The following PARD3B variants were observed in gnomAD, a reference collection of about 807,000 sequenced individuals.
PARD3B encodes the protein par-3 family cell polarity regulator beta, also known as partitioning defective 3 homolog B.
A neutral mutation model predicts 130.2 loss-of-function variants in PARD3B; 103 were observed. That is an observed-to-expected ratio of 0.79 (90% CI 0.67 to 0.93). The LOEUF is 0.93. PARD3B is among the 40% of genes least tolerant of loss of function. The pLI is 0.00. For missense variants in PARD3B, 1,609 were observed against 1,499.2 expected (o/e 1.07, Z -1.21); for synonymous variants, 583 against 553.2 (o/e 1.05, Z -0.76).
At chr2:205,087,103 A>C (rs1412815937) in intron 4 of PARD3B, among the ~76,000 whole-genome samples, 1 of 152,090 alleles carries the variant, frequency 6.6e-6, no homozygotes, top group Non-Finnish European at 1.5e-5. Flanking sequence ...ATATTTTTTA[A>C]TCTCTTCTTT....
intron 1 of PARD3B, among the ~76,000 whole-genome samples, chr2:204,599,329 C>A (rs1406896584): frequency 1.3e-5 from 2 of 151,838 alleles, no homozygotes; most frequent in Non-Finnish European, 2.9e-5. Context: ...CAAATTTCTC[C>A]CTACCTCTTT....
intron 10 of PARD3B, among the ~76,000 whole-genome samples, chr2:205,133,727 G>A (rs755583921): frequency 6.6e-6 from 1 of 152,262 alleles, no homozygotes; most frequent in Non-Finnish European, 1.5e-5. Context: ...TTGGCAAAGG[G>A]CCAGTGCTGA....
chr2:205,518,313 C>G lies in PARD3B; in HGVS notation c.3180+18282C>G, dbSNP rs375439522. ...ATAGTTAGGCCTTGTTGAATTGAAC[C>G]CTTTACCATTATGTAATGCCCGTCT... On this transcript the variant is annotated intron_variant, in intron 21 of 22. Coordinates refer to ENST00000406610, the MANE Select transcript of PARD3B (RefSeq NM_001302769.2). 3.3e-5 allele frequency among the ~76,000 whole-genome samples: 5 copies of G among 152,152 alleles called. No individual in the cohort carries two copies. In the East Asian group the frequency reaches 7.7e-4, roughly 24 times the overall value.
At chr2:205,610,369 G>T (rs1194628684) in intron 22 of PARD3B, among the ~76,000 whole-genome samples, 1 of 152,154 alleles carries the variant, frequency 6.6e-6, no homozygotes, top group Non-Finnish European at 1.5e-5. Context: ...ACTGTACTTT[G>T]AAATACATAA....
chr2:205,598,653 C>T (rs1408598998), intron 22 of PARD3B, among the ~76,000 whole-genome samples: 1 of 152,110 alleles, frequency 6.6e-6, no homozygotes, highest in South Asian at 2.1e-4. Flanking sequence ...ACCCAACAAC[C>T]ACAGAATATG....
At chr2:204,746,959 T>C (rs2040257933) in intron 2 of PARD3B, among the ~76,000 whole-genome samples, 1 of 152,218 alleles carries the variant, frequency 6.6e-6, no homozygotes, top group Admixed American at 6.5e-5. Context: ...TTTCTTTTGC[T>C]GTGCAGAAGC....
chr2:205,285,764 A>G (rs1054765353), intron 16 of PARD3B, among the ~76,000 whole-genome samples: 6 of 152,018 alleles, frequency 3.9e-5, no homozygotes, highest in South Asian at 2.1e-4. Flanking sequence ...CTCCCTCTGT[A>G]TCTTGCCACA....
At chr2:204,733,813 A>G (rs1479760751) in intron 2 of PARD3B, among the ~76,000 whole-genome samples, 1 of 151,942 alleles carries the variant, frequency 6.6e-6, no homozygotes, top group South Asian at 2.1e-4. Flanking sequence ...AGCAAGTGGT[A>G]TTACTAAACA....
At chr2:205,046,795 A>T (rs1698816307) in intron 3 of PARD3B, among the ~76,000 whole-genome samples, 2 of 152,102 alleles carry the variant, frequency 1.3e-5, no homozygotes, top group African/African-American at 4.8e-5. Context: ...TTTTTTTGAG[A>T]TGTTTCTCTG....
At chr2:204,842,266 C>A (rs1001486588) in intron 2 of PARD3B, among the ~76,000 whole-genome samples, 1 of 152,070 alleles carries the variant, frequency 6.6e-6, no homozygotes, top group African/African-American at 2.4e-5. Flanking sequence ...ATAAAACTCC[C>A]AGGTGGGTAC....
At chr2:205,452,890 T>G (rs1198886833) in intron 20 of PARD3B, among the ~76,000 whole-genome samples, 1 of 152,192 alleles carries the variant, frequency 6.6e-6, no homozygotes, top group Non-Finnish European at 1.5e-5. Flanking sequence ...TAAATGGGCA[T>G]GTTTGAGGAA....
chr2:204,918,954 C>A (rs933242861), intron 2 of PARD3B, among the ~76,000 whole-genome samples: 2 of 151,812 alleles, frequency 1.3e-5, no homozygotes, highest in Admixed American at 6.6e-5. Flanking sequence ...TTAAAACTAA[C>A]ACTCAATACA....
rs967513567 is a variant in PARD3B, at chr2:205,590,634, G to A, written c.3261-24822G>A. Among the ~76,000 whole-genome samples, 1 of 152,266 alleles carries A rather than the reference G, an allele frequency of 6.6e-6. No homozygotes were observed. The highest frequency in any genetic ancestry group is 2.4e-5 in the African/African-American group (1 of 41,538). The stretch of plus-strand genomic sequence containing the variant: ...TGGAATGATTCCCAAAAGAACAGAA[G>A]GCTGTCACCAGGATAAAGTAGGACA... On this transcript the variant is annotated intron_variant, in intron 22 of 22. Coordinates refer to ENST00000406610, the MANE Select transcript of PARD3B (RefSeq NM_001302769.2). The surrounding 1 kb of genome is among the most constrained non-coding windows in gnomAD (Gnocchi z 4.1).
At chr2:204,699,929 T>G (rs2037812134) in intron 2 of PARD3B, among the ~76,000 whole-genome samples, 1 of 152,156 alleles carries the variant, frequency 6.6e-6, no homozygotes, top group Admixed American at 6.5e-5. Flanking sequence ...CTGGCCAAGT[T>G]AATTTTAAAC....
chr2:205,517,752 T>C (rs1305704319), intron 21 of PARD3B, among the ~76,000 whole-genome samples: 4 of 152,214 alleles, frequency 2.6e-5, no homozygotes, highest in South Asian at 2.1e-4. Context: ...AACACTGCCT[T>C]AGCTGTGTTC....
rs1033045344 is a variant in PARD3B at position 205,160,294 on chromosome 2, G to A, written c.1620+1387G>A. ...GGGGTTTGGGTAGGATTCTGATTCAGGCTGGTGTCTCTTGATCCCACTGTA... is the reference window on the plus strand; with the variant it reads ...GGGGTTTGGGTAGGATTCTGATTCAAGCTGGTGTCTCTTGATCCCACTGTA... On this transcript the variant is annotated intron_variant, in intron 11 of 22. Transcript: ENST00000406610. This position sits in a 1 kb window ranked among gnomAD's most constrained non-coding sequence, Gnocchi z 4.0. Among the ~76,000 whole-genome samples, 3 of 152,174 alleles carry A rather than the reference G, an allele frequency of 2.0e-5. No homozygotes were observed. Among genetic ancestry groups the A allele is most frequent in the Admixed American group, 6.5e-5 (1 of 15,272 alleles).
intron 1 of PARD3B, among the ~76,000 whole-genome samples, chr2:204,565,344 G>A (rs895186337): frequency 3.9e-5 from 6 of 152,156 alleles, no homozygotes; most frequent in African/African-American, 1.4e-4. Flanking sequence ...TCATTGCAAT[G>A]TTGAATTTGG....
chr2:204,756,795 T>G (rs1395717549), intron 2 of PARD3B, among the ~76,000 whole-genome samples: 1 of 152,118 alleles, frequency 6.6e-6, no homozygotes, highest in Non-Finnish European at 1.5e-5. Flanking sequence ...ATTTAGGGGG[T>G]TCCTGTGCAG....
intron 3 of PARD3B, among the ~76,000 whole-genome samples, chr2:205,001,766 T>C (rs1399115893): frequency 6.6e-6 from 1 of 152,216 alleles, no homozygotes; most frequent in Non-Finnish European, 1.5e-5. Context: ...ACCACACGGT[T>C]GCACAATACC....
Sources: allele counts gnomAD v4.1 joint callset (sites outside exome capture counted in the v4.1 genomes callset), GRCh38; gene constraint gnomAD v4.1.1; non-coding constraint Gnocchi (gnomAD v3.1); transcripts MANE v1.5; gene names NCBI Gene and HGNC (gene_info 2026-07-23, HGNC 2026-07-21).